WDR41: variants seen among roughly 807,000 people sequenced by gnomAD.
WDR41 encodes WD repeat domain 41, also known as WD repeat-containing protein 41.
In WDR41, 63 loss-of-function variants were observed where a neutral mutation model predicts 69.3. That is an observed-to-expected ratio of 0.91 (90% CI 0.74 to 1.12). WDR41 has a LOEUF of 1.12. Ranked by LOEUF, WDR41 falls within the 50% of genes most tolerant of loss-of-function variation. The pLI, the probability that WDR41 is intolerant of heterozygous loss-of-function variation, is 0.00. For missense variants in WDR41, 543 were observed against 534.5 expected, an observed-to-expected ratio of 1.02 and a Z score of -0.16; for synonymous variants, 185 against 192.1, an observed-to-expected ratio of 0.96 and a Z score of 0.31.
rs1798937432 is a variant in WDR41 at position 77,436,412 on chromosome 5, T to A, written c.1094-18A>T. 1 of 1,613,292 alleles carries A rather than the reference T, an allele frequency of 6.2e-7. No individual in the cohort carries two copies. The highest frequency in any genetic ancestry group is 1.7e-5 in the Admixed American group (1 of 59,906). On this transcript the variant is annotated intron_variant, in intron 11 of 12. Coordinates refer to ENST00000296679, the MANE Select transcript of WDR41 (RefSeq NM_018268.4). ...AAAAAAACCTAGAAAAAGAATCATT[T>A]CCAAAATTACTGTGCTCTGTACTTA...
intron 1 of WDR41, among the ~76,000 whole-genome samples, chr5:77,617,744 C>A (rs1269370890): frequency 6.6e-6 from 1 of 152,090 alleles, no homozygotes; most frequent in East Asian, 1.9e-4. Flanking sequence ...GATGGAGCAA[C>A]AGGTTATAAA....
At chr5:77,586,565 C>G (rs932113883) in intron 1 of WDR41, among the ~76,000 whole-genome samples, 3 of 152,082 alleles carry the variant, frequency 2.0e-5, no homozygotes, top group Non-Finnish European at 4.4e-5. Flanking sequence ...CTTGGCCTCT[C>G]AAAGTGCTGG....
chr5:77,473,006 C>A (rs1800702314), intron 2 of WDR41, among the ~76,000 whole-genome samples: 1 of 152,148 alleles, frequency 6.6e-6, no homozygotes, highest in Non-Finnish European at 1.5e-5. Flanking sequence ...TATCAGGCTA[C>A]CTGACTTCAA....
intron 2 of WDR41, chr5:77,480,054 C>A (rs924384435): frequency 6.6e-6 from 1 of 151,528 alleles, no homozygotes; most frequent in Admixed American, 6.6e-5. Flanking sequence ...ATTTATGCAG[C>A]CAAAAAACAC....
At chr5:77,433,359 TGTGC>T (rs1237109623) in intron 12 of WDR41, 72 bp from the exon 13 acceptor site, 3 of 1,433,566 alleles carry the variant, frequency 2.1e-6, no homozygotes, top group Non-Finnish European at 2.8e-6. Context: ...CATTAACACA[TGTGC>T]GTGTGAGATA....
intron 1 of WDR41, among the ~76,000 whole-genome samples, chr5:77,567,085 A>G (rs1743646380): frequency 6.6e-6 from 1 of 152,168 alleles, no homozygotes. Context: ...GACAGAGTCC[A>G]TTGCTCTATT....
At chr5:77,482,082 C>T (rs1293911733) in intron 2 of WDR41, among the ~76,000 whole-genome samples, 2 of 152,076 alleles carry the variant, frequency 1.3e-5, no homozygotes, top group African/African-American at 4.8e-5. Context: ...TAAATATATA[C>T]AAAAGTGGAG....
Position 77,432,287 on chromosome 5 carries a change from A to G in WDR41, c.*848T>C, listed in dbSNP as rs968534327. On this transcript the variant is annotated 3_prime_UTR_variant, in exon 13 of 13. Coordinates refer to ENST00000296679, the MANE Select transcript of WDR41 (RefSeq NM_018268.4). The stretch of plus-strand genomic sequence containing the variant: ...TTTTTTAGCACCAAAAGGAGAAAAC[A>G]TATTGTTACAAGGCTGGTTATAGTG... The G allele has an allele frequency of 3.9e-5, 6 of 152,222 alleles. No individual in the cohort carries two copies. Among genetic ancestry groups the G allele is most frequent in the African/African-American group, 9.7e-5 (4 of 41,448 alleles). The allele number at this position is 152,222 out of a possible 1,614,324, so 9.4% of individuals were successfully genotyped here.
At chr5:77,594,696 C>T (rs894795582) in intron 1 of WDR41, among the ~76,000 whole-genome samples, 1 of 152,172 alleles carries the variant, frequency 6.6e-6, no homozygotes, top group South Asian at 2.1e-4. Flanking sequence ...CAACCTTCTC[C>T]TTTCTATGGT....
chr5:77,501,844 A>T (rs992985498), intron 1 of WDR41, among the ~76,000 whole-genome samples: 1 of 149,862 alleles, frequency 6.7e-6, no homozygotes, highest in Non-Finnish European at 1.5e-5. Flanking sequence ...ATCAACATCA[A>T]AAAGGACATC....
intron 1 of WDR41, among the ~76,000 whole-genome samples, chr5:77,581,216 T>C (rs1580024790): frequency 6.6e-6 from 1 of 151,954 alleles, no homozygotes; most frequent in Non-Finnish European, 1.5e-5. Flanking sequence ...ATACTACTAA[T>C]AACAGACAAA....
intron 2 of WDR41, among the ~76,000 whole-genome samples, chr5:77,481,860 A>G (rs543026537): frequency 5.9e-5 from 9 of 151,766 alleles, no homozygotes; most frequent in East Asian, 1.9e-4. Context: ...TATGAAGCTG[A>G]TATGTTCATG....
At chr5:77,480,227 G>T (rs1361047170) in intron 2 of WDR41, 1 of 152,118 alleles carries the variant, frequency 6.6e-6, no homozygotes, top group East Asian at 1.9e-4. Flanking sequence ...CTCTTGGTGG[G>T]ACTGTAAACT....
Position 77,442,856 on chromosome 5 carries a change from C to T in WDR41, c.698-1859G>A, listed in dbSNP as rs1303695702. Among the ~76,000 whole-genome samples the T allele has an allele frequency of 2.5e-5, 3 of 121,146 alleles. No homozygotes were observed. In the East Asian group the frequency reaches 7.6e-4, roughly 31 times the overall value. 79.5% of individuals were successfully genotyped at this position (121,146 alleles called of 152,430 possible). A position where few individuals can be genotyped will look rare whatever the true frequency, so the allele number is the denominator to read the frequency against. ...GCAGTAAGCCGAGATCGCGCCACTG[C>T]CCTCCAGCCTGGGCGACAGAGCGAG... On this transcript the variant is annotated intron_variant, in intron 8 of 12. Transcript: ENST00000296679.
chr5:77,475,722 A>C (rs1800886485), intron 2 of WDR41, among the ~76,000 whole-genome samples: 2 of 152,224 alleles, frequency 1.3e-5, no homozygotes, highest in Admixed American at 6.5e-5. Flanking sequence ...AGATGGGGAA[A>C]AAACAGAGCA....
intron 2 of WDR41, among the ~76,000 whole-genome samples, chr5:77,486,985 C>T (rs1801554445): frequency 6.6e-6 from 1 of 152,206 alleles, no homozygotes; most frequent in Non-Finnish European, 1.5e-5. Context: ...GTGAGCACCA[C>T]TGTGGGGAAA....
At position 77,440,804 on chromosome 5, in the gene WDR41, A is replaced by C; in HGVS notation, c.882+9T>G. On this transcript the variant is annotated intron_variant, in intron 9 of 12. Transcript: ENST00000296679. ...AGGCAAGTTTATAGATAGTGTATAC[A>C]TTTTTTACCTCTTCATCACATGTGA... 6.2e-7 allele frequency: 1 copy of C among 1,613,720 alleles called. No homozygotes were observed. Among genetic ancestry groups the C allele is most frequent in the Non-Finnish European group, 8.5e-7 (1 of 1,179,742 alleles).
chr5:77,572,584 C>G lies in WDR41; in HGVS notation c.42+47895G>C, dbSNP rs150133284. On this transcript the variant is annotated intron_variant, in intron 1 of 5. Transcript: ENST00000509971. ...ATGACAATTTTTTACCTAACAATTT[C>G]CTGACATTTTTTCAAGAATAAATGA... Among the ~76,000 whole-genome samples the G allele has an allele frequency of 4.5e-4, 68 of 152,228 alleles. No homozygotes were observed. The East Asian group carries it at 0.012, about 27-fold the overall frequency.
intron 1 of WDR41, among the ~76,000 whole-genome samples, chr5:77,515,512 A>C (rs1352014874): frequency 6.6e-6 from 1 of 152,238 alleles, no homozygotes; most frequent in Non-Finnish European, 1.5e-5. Flanking sequence ...TAGAAGGAAT[A>C]CACTCTAAAA....
Sources: allele counts gnomAD v4.1 joint callset (sites outside exome capture counted in the v4.1 genomes callset), GRCh38; gene constraint gnomAD v4.1.1; transcripts MANE v1.5; gene names NCBI Gene and HGNC (gene_info 2026-07-23, HGNC 2026-07-21).